ADCY6: variants seen among roughly 807,000 people sequenced by gnomAD.
ADCY6 encodes the protein adenylate cyclase 6.
Under a neutral mutation model 111.6 loss-of-function variants are expected in ADCY6, and 59 were observed. The ratio of observed to expected loss-of-function variants is 0.53; its 90% CI spans 0.43 to 0.66. ADCY6 has a LOEUF of 0.66. Among genes scored for constraint, ADCY6 ranks in the 30% least tolerant of loss-of-function variants. The pLI is 0.00. For synonymous variants in ADCY6, 576 were observed against 642.9 expected, an observed-to-expected ratio of 0.90 and a Z score of 1.57; for missense variants, 1,242 against 1,595.6, an observed-to-expected ratio of 0.78 and a Z score of 3.78.
In ADCY6 at chr12:48,768,624, G is replaced by A. The variant is rs774456303; in HGVS notation, c.3474C>T (p.Thr1158=). The A allele has an allele frequency of 6.2e-7, 1 of 1,613,968 alleles. No individual in the cohort carries two copies. Among genetic ancestry groups the A allele is most frequent in the African/African-American group, 1.3e-5 (1 of 74,908 alleles). The change falls in exon 22 of 22, where the codon ACC becomes ACT. Residue 1158 remains threonine (T), a synonymous_variant. Transcript: ENST00000357869. The part of the protein sequence containing the change: ...VVKVKGKGEM[T]TYFLNGGPSS ...TGGGGCCCCCATTGAGGAAGTAGGT[G>A]GTCATCTCCCCCTTGCCCTTCACCT...
At chr12:48,780,196 A>C (rs1193527981) in intron 2 of ADCY6, among the ~76,000 whole-genome samples, 1 of 152,190 alleles carries the variant, frequency 6.6e-6, no homozygotes, top group Non-Finnish European at 1.5e-5. Context: ...CTGTACACAC[A>C]CATCCCTATC....
rs763410189 is a variant in ADCY6, at chr12:48,777,703, C to T, written c.1048G>A (p.Val350Ile). 2.5e-6 allele frequency: 4 copies of T among 1,614,208 alleles called. No individual in the cohort carries two copies. The highest frequency in any genetic ancestry group is 3.4e-6 in the Non-Finnish European group (4 of 1,180,036). Residue 350 changes from valine (V) to isoleucine (I), a missense_variant, in exon 4 of 22, where the codon GTT becomes ATT. Around this residue, in one of 4 missense-constraint regions of ADCY6, gnomAD observed 260 missense variants for 414.6 expected, o/e 0.63. Transcript: ENST00000357869. The surrounding 1 kb of genome is among the most constrained non-coding windows in gnomAD (Gnocchi z 4.9). Reference protein sequence around the residue: ...RLLLSVLPQHVAMEMKEDINT... With the variant: ...RLLLSVLPQHIAMEMKEDINT... Reference sequence around the variant, plus strand: ...ATGTCTTCTTTCATCTCCATGGCAACGTGCTGGGGCAATACCGACAGCAGC... The same window carrying T: ...ATGTCTTCTTTCATCTCCATGGCAATGTGCTGGGGCAATACCGACAGCAGC...
chr12:48,769,195 C>T (rs959546312), intron 20 of ADCY6, 134 bp from the exon 21 acceptor site: 2 of 968,798 alleles, frequency 2.1e-6, no homozygotes, highest in Middle Eastern at 2.3e-4. Context: ...TTGTAAAGAA[C>T]AATCTAGTTC....
intron 3 of ADCY6, 68 bp downstream of exon 3, chr12:48,778,040 C>T (rs1941749905): frequency 3.2e-6 from 5 of 1,542,552 alleles, no homozygotes; most frequent in South Asian, 1.2e-5. Context: ...GACAAGGCAG[C>T]AGATCCAATG....
Position 48,776,419 on chromosome 12 carries a change from C to G in ADCY6, c.1535+9G>C, listed in dbSNP as rs1473022611. The G allele has an allele frequency of 6.2e-7, 1 of 1,613,280 alleles. No individual in the cohort carries two copies. The highest frequency in any genetic ancestry group is 2.2e-5 in the East Asian group (1 of 44,890). ...CCCCCATCCCCCCCACCTGGACCCC[C>G]CTACTCACCCAGCCCGGCCTCCTGC... On this transcript the variant is annotated intron_variant, in intron 7 of 21. Transcript: ENST00000357869. The surrounding 1 kb of genome is among the most constrained non-coding windows in gnomAD (Gnocchi z 6.1).
In ADCY6 at chr12:48,782,878, C is replaced by A; in HGVS notation, c.557G>T (p.Cys186Phe). 1 of 1,613,996 alleles carries A rather than the reference C, an allele frequency of 6.2e-7. No individual in the cohort carries two copies. The highest frequency in any genetic ancestry group is 8.5e-7 in the Non-Finnish European group (1 of 1,179,962). The part of the protein sequence containing the change: ...PQPAYVALLA[C>F]AAALFVGLMV... Reference sequence around the variant, plus strand: ...GAGCCCCACGAACAGGGCGGCGGCACAGGCCAACAGTGCCACATAGGCAGG... The same window carrying A: ...GAGCCCCACGAACAGGGCGGCGGCAAAGGCCAACAGTGCCACATAGGCAGG... Residue 186 changes from cysteine to phenylalanine, a missense_variant, in exon 2 of 22, where the codon TGT becomes TTT. Cys to Phe is a radical substitution (Grantham distance 205, BLOSUM62 -2). Coordinates refer to ENST00000357869, the MANE Select transcript of ADCY6 (RefSeq NM_015270.5). This position sits in a 1 kb window ranked among gnomAD's most constrained non-coding sequence, Gnocchi z 4.3.
intron 16 of ADCY6, among the ~76,000 whole-genome samples, chr12:48,772,877 T>C (rs1156891348): frequency 6.6e-6 from 1 of 152,206 alleles, no homozygotes; most frequent in East Asian, 1.9e-4. Flanking sequence ...TCCATAAATG[T>C]TAGTTACTAT....
At chr12:48,775,885 G>C in intron 9 of ADCY6, 78 bp downstream of exon 9, 1 of 1,543,508 alleles carries the variant, frequency 6.5e-7, no homozygotes, top group Non-Finnish European at 8.8e-7. Context: ...GCAGTCACAA[G>C]AAAGGACAGG....
rs761520656 is a variant in ADCY6 at position 48,783,099 on chromosome 12, G to A, written c.336C>T (p.Pro112=). 8 of 1,611,194 alleles carry A rather than the reference G, an allele frequency of 5.0e-6. No individual in the cohort carries two copies. The highest frequency in any genetic ancestry group is 3.3e-5 in the Admixed American group (2 of 59,984). ...GGCGCCAGCAGGATCGCCCACTCCT[G>A]GGCACCGCGTCGGGCGCCACCTCAG... ...GTAEVAPDAV[P]RSGRSCWRRL... is the part of the protein sequence containing the mutation. The change falls in exon 2 of 22, where the codon CCC becomes CCT. Residue 112 remains proline, a synonymous_variant. Coordinates refer to ENST00000357869, the MANE Select transcript of ADCY6 (RefSeq NM_015270.5).
chr12:48,774,863 C>T, intron 12 of ADCY6, 85 bp from the exon 13 acceptor site: 1 of 1,526,092 alleles, frequency 6.6e-7, no homozygotes, highest in Non-Finnish European at 8.9e-7. Context: ...AGCAGGGATG[C>T]AGGCTCCAGG....
rs373807758 is a variant in ADCY6, at chr12:48,783,113, G to A, written c.322C>T (p.Pro108Ser). 67 of 1,610,016 alleles carry A rather than the reference G, an allele frequency of 4.2e-5. No homozygotes were observed. Among genetic ancestry groups the A allele is most frequent in the Non-Finnish European group, 5.1e-5 (60 of 1,179,198 alleles). The change falls in exon 2 of 22, where the codon CCC becomes TCC. Residue 108 changes from proline to serine, a missense_variant. By Grantham distance (74) the Pro-to-Ser change is moderately conservative (BLOSUM62 -1). This residue lies in a region of ADCY6 where 362 missense variants were observed against 377.2 expected (regional missense o/e 0.96). Coordinates refer to ENST00000357869, the MANE Select transcript of ADCY6 (RefSeq NM_015270.5). ...TTAGGTAEVA[P>S]DAVPRSGRSC... ...CGCCCACTCCTGGGCACCGCGTCGG[G>A]CGCCACCTCAGCCGTCCCGCCCGCT...
At position 48,788,931 on chromosome 12, in the gene ADCY6, C is replaced by T. The variant is rs1194204457; in HGVS notation, c.-30G>A. On this transcript the variant is annotated 5_prime_UTR_variant, in exon 1 of 22. Coordinates refer to ENST00000357869, the MANE Select transcript of ADCY6 (RefSeq NM_015270.5). ...CTGCCGGCCCGGCTCCGCGCCTGCC[C>T]TGGGCCCCCGCCCCGCCGCCCCCGC... The T allele has an allele frequency of 1.3e-5, 2 of 148,300 alleles. No individual in the cohort carries two copies. Among genetic ancestry groups the T allele is most frequent in the Admixed American group, 1.3e-4 (2 of 14,866 alleles). 9.2% of individuals were successfully genotyped at this position (148,300 alleles called of 1,614,324 possible). A position where few individuals can be genotyped will look rare whatever the true frequency, so the allele number is the denominator to read the frequency against.
rs1362045366 is a variant in ADCY6, at chr12:48,782,657, C to T, written c.778G>A (p.Ala260Thr). ...GAGAGGCCCAGGCCGCTGAGGACGG[C>T]AGCCCGCATGCGGATGGGGAGGAGC... is the stretch of plus-strand genomic sequence containing the variant. The part of the protein sequence containing the change: ...YTLLPIRMRA[A>T]VLSGLGLSTL... The change falls in exon 2 of 22, where the codon GCC (alanine) becomes ACC (threonine). Residue 260 changes from alanine to threonine, a missense_variant. By Grantham distance (58) the Ala-to-Thr change is moderately conservative. Transcript: ENST00000357869. The surrounding 1 kb of genome is among the most constrained non-coding windows in gnomAD (Gnocchi z 4.3). The T allele has an allele frequency of 6.2e-7, 1 of 1,602,528 alleles. No homozygotes were observed. The highest frequency in any genetic ancestry group is 8.5e-7 in the Non-Finnish European group (1 of 1,173,838).
At chr12:48,779,517 G>T (rs866377884) in intron 2 of ADCY6, among the ~76,000 whole-genome samples, 1 of 152,096 alleles carries the variant, frequency 6.6e-6, no homozygotes, top group African/African-American at 2.4e-5. Flanking sequence ...ATTGGAGATG[G>T]GGTCCACCAT....
rs116169976 is a variant in ADCY6, at chr12:48,775,387, G to C, written c.1896C>G (p.Ile632Met). The change falls in exon 11 of 22, where the codon ATC (isoleucine) becomes ATG (methionine). Residue 632 changes from isoleucine to methionine, a missense_variant. Physicochemically the swap from Ile to Met is conservative, Grantham distance 10. Coordinates refer to ENST00000357869, the MANE Select transcript of ADCY6 (RefSeq NM_015270.5). ...GCAGCTGATCAATGCTGCGGGCATCGATGGCACGGCTCAGGAACTCATCCA... is the reference window on the plus strand; with the variant it reads ...GCAGCTGATCAATGCTGCGGGCATCCATGGCACGGCTCAGGAACTCATCCA... Reference protein sequence around the residue: ...DEVDEFLSRAIDARSIDQLRK... With the variant: ...DEVDEFLSRAMDARSIDQLRK... The C allele has an allele frequency of 6.2e-7, 1 of 1,614,174 alleles. No homozygotes were observed. The highest frequency in any genetic ancestry group is 8.5e-7 in the Non-Finnish European group (1 of 1,180,034).
upstream of ADCY6, chr12:48,789,584 G>A (rs1354552559): frequency 5.9e-5 from 3 of 50,988 alleles, no homozygotes; most frequent in African/African-American, 1.9e-4. Context: ...CCCTGCCCCA[G>A]CCCCAGCCCC....
intron 18 of ADCY6, 58 bp from the exon 19 acceptor site, chr12:48,772,031 G>A: frequency 6.4e-7 from 1 of 1,557,926 alleles, no homozygotes; most frequent in South Asian, 1.2e-5. Context: ...AGGTGTGGTG[G>A]CCAAGGCTTG....
rs1941611131 is a variant in ADCY6 at position 48,773,653 on chromosome 12, G to A, written c.2443-6C>T. ...AGCATGTTCCCGATGAAGTACTGCG[G>A]GGGTGGCAGAGGCAGCGTTGGGTGA... On this transcript the variant is annotated splice_polypyrimidine_tract_variant and splice_region_variant and intron_variant, in intron 15 of 21. Transcript: ENST00000357869. 6.2e-7 allele frequency: 1 copy of A among 1,613,892 alleles called. No homozygotes were observed. The highest frequency in any genetic ancestry group is 1.1e-5 in the South Asian group (1 of 91,074).
At chr12:48,769,589 CTT>C (rs1372908998) in intron 20 of ADCY6, among the ~76,000 whole-genome samples, 28 of 138,774 alleles carry the variant, frequency 2.0e-4, no homozygotes, top group Non-Finnish European at 1.9e-4. Context: ...CCTTTCTTTT[CTT>C]TTTTTTTTTT....
Sources: gnomAD v4.1 joint callset for allele counts (sites outside exome capture counted in the v4.1 genomes callset) on GRCh38, gnomAD v4.1.1 for gene constraint, gnomAD v4.1.1 regional missense constraint, Gnocchi (gnomAD v3.1) non-coding constraint, MANE v1.5 for transcripts, NCBI Gene and HGNC (gene_info 2026-07-23, HGNC 2026-07-21) for gene names.